The following SMARCA4 variants were observed in gnomAD, a reference collection of about 807,000 sequenced individuals.
SMARCA4 encodes SWI/SNF related BAF chromatin remodeling complex subunit ATPase 4.
A neutral mutation model predicts 193.9 loss-of-function variants in SMARCA4; 31 were observed. That is an observed-to-expected ratio of 0.16 (90% CI 0.12 to 0.22). The LOEUF (loss-of-function observed/expected upper bound fraction) is 0.22. SMARCA4 is among the 10% of genes least tolerant of loss of function. The pLI, the probability that SMARCA4 is intolerant of heterozygous loss-of-function variation, is 1.00. For synonymous variants in SMARCA4, 942 were observed against 933.1 expected, an observed-to-expected ratio of 1.01 and a Z score of -0.17; for missense variants, 1,148 against 2,296.0, an observed-to-expected ratio of 0.50 and a Z score of 10.22.
intron 6 of SMARCA4, 81 bp downstream of exon 6, chr19:10,988,005 C>T (rs541128216): frequency 2.1e-6 from 3 of 1,461,956 alleles, no homozygotes; most frequent in Admixed American, 1.8e-5. Context: ...CTTTCTCCCC[C>T]ACTCTAGCAA....
rs1451323006 is a variant in SMARCA4, at chr19:11,030,932, G to A, written c.3546+39G>A. 1 of 1,590,844 alleles carries A rather than the reference G, an allele frequency of 6.3e-7. No homozygotes were observed. Among genetic ancestry groups the A allele is most frequent in the Non-Finnish European group, 8.6e-7 (1 of 1,167,106 alleles). Reference sequence around the variant, plus strand: ...GGGCCCCAGGTCGAGGAGAAGGAAGGGGGTGCCTGCAAAACCTCGAGGAGA... The same window carrying A: ...GGGCCCCAGGTCGAGGAGAAGGAAGAGGGTGCCTGCAAAACCTCGAGGAGA... On this transcript the variant is annotated intron_variant, in intron 25 of 34. Coordinates refer to ENST00000344626, the MANE Select transcript of SMARCA4 (RefSeq NM_003072.5). This position sits in a 1 kb window ranked among gnomAD's most constrained non-coding sequence, Gnocchi z 5.5.
intron 19 of SMARCA4, among the ~76,000 whole-genome samples, chr19:11,022,842 C>T (rs1197261758): frequency 1.3e-5 from 2 of 152,192 alleles, no homozygotes; most frequent in Non-Finnish European, 2.9e-5. Context: ...TCCCGGGACC[C>T]CCACACTAAG....
intron 13 of SMARCA4, among the ~76,000 whole-genome samples, chr19:11,005,910 T>C (rs1178778439): frequency 2.0e-5 from 3 of 152,218 alleles, no homozygotes; most frequent in South Asian, 4.1e-4. Flanking sequence ...ATAGTTGCTT[T>C]TGGGGAGGAA....
At position 10,985,214 on chromosome 19, in the gene SMARCA4, C is replaced by CTA; in HGVS notation, c.223-58_223-57insAT. Reference sequence around the variant, plus strand: ...CGAGCTTCTCTCGGGCAGCGCATAGCTGCGCTGCCACCTCACGTTCCACAT... The same window carrying CTA: ...CGAGCTTCTCTCGGGCAGCGCATAGCTATGCGCTGCCACCTCACGTTCCACAT... On this transcript the variant is annotated intron_variant, in intron 2 of 34. Transcript: ENST00000344626. The surrounding 1 kb of genome is among the most constrained non-coding windows in gnomAD (Gnocchi z 4.5). 1 of 1,586,516 alleles carries CTA rather than the reference C, an allele frequency of 6.3e-7. No individual in the cohort carries two copies. The highest frequency in any genetic ancestry group is 2.2e-5 in the East Asian group (1 of 44,732).
rs757009765 is a variant in SMARCA4, at chr19:11,039,412, G to A, written c.4171-1895G>A. ...ACAAGGGGAGGCTAAATTAGGGCACGTTGTGCACTGAAACACTAAACAGAC... is the reference window on the plus strand; with the variant it reads ...ACAAGGGGAGGCTAAATTAGGGCACATTGTGCACTGAAACACTAAACAGAC... On this transcript the variant is annotated intron_variant, in intron 29 of 34. Coordinates refer to ENST00000344626, the MANE Select transcript of SMARCA4 (RefSeq NM_003072.5). 2.3e-5 allele frequency: 27 copies of A among 1,158,502 alleles called. No homozygotes were observed. In the South Asian group the frequency reaches 2.9e-4, roughly 13 times the overall value. The allele number at this position is 1,158,502 out of a possible 1,614,324, so 71.8% of individuals were successfully genotyped here.
intron 29 of SMARCA4, chr19:11,040,883 C>T (rs1210096703): frequency 6.1e-6 from 1 of 164,170 alleles, no homozygotes; most frequent in South Asian, 1.6e-4. Context: ...GGTGCCACTG[C>T]ACTCCAGCCT....
chr19:10,981,180 ACT>A (rs1427882616), intron 1 of SMARCA4, among the ~76,000 whole-genome samples: 2 of 151,998 alleles, frequency 1.3e-5, no homozygotes, highest in African/African-American at 2.4e-5. Context: ...TCATTGCAAC[ACT>A]CTGTGGACCT....
rs373436719 is a variant in SMARCA4 at position 10,995,084 on chromosome 19, G to A, written c.1593+83G>A. ...TCCAGGGGTCACTCCCCAGGGTTACGCCAAGGCATTTCACAGCTCGGAGTT... is the reference window on the plus strand; with the variant it reads ...TCCAGGGGTCACTCCCCAGGGTTACACCAAGGCATTTCACAGCTCGGAGTT... On this transcript the variant is annotated intron_variant, in intron 9 of 34. Transcript: ENST00000344626. 5.2e-5 allele frequency: 69 copies of A among 1,316,322 alleles called. No individual in the cohort carries two copies. In the East Asian group the frequency reaches 6.2e-4, roughly 12 times the overall value. The allele number at this position is 1,316,322 out of a possible 1,614,324, so 81.5% of individuals were successfully genotyped here. A position where few individuals can be genotyped will look rare whatever the true frequency, so the allele number is the denominator to read the frequency against.
At position 11,010,541 on chromosome 19, in the gene SMARCA4, G is replaced by T. The variant is rs1414642513; in HGVS notation, c.2274+10G>T. 4 of 1,612,316 alleles carry T rather than the reference G, an allele frequency of 2.5e-6. No individual in the cohort carries two copies. The South Asian group carries it at 4.4e-5, about 18-fold the overall frequency. On this transcript the variant is annotated intron_variant, in intron 15 of 34. Transcript: ENST00000344626. ...CCTCAAACAGTACCAGGTGAGGTAG[G>T]GGGTGGGGAGGCCACCGCCACGTAG...
intron 25 of SMARCA4, chr19:11,032,350 A>T (rs1027416449): frequency 2.0e-5 from 3 of 152,208 alleles, no homozygotes; most frequent in African/African-American, 7.2e-5. Flanking sequence ...GCCTCCTCGT[A>T]CTGTGCTGGG....
intron 1 of SMARCA4, among the ~76,000 whole-genome samples, chr19:10,969,144 C>T (rs1305402423): frequency 6.6e-6 from 1 of 152,250 alleles, no homozygotes; most frequent in East Asian, 1.9e-4. Context: ...CAGAATCTCC[C>T]TGGCCTCCAC....
intron 22 of SMARCA4, 74 bp from the exon 23 acceptor site, chr19:11,026,226 G>T: frequency 8.7e-7 from 1 of 1,155,630 alleles, no homozygotes; most frequent in Non-Finnish European, 1.3e-6. Context: ...GAGCACGAGC[G>T]GTGTGTGCGG....
chr19:10,962,623 ACCT>A lies in SMARCA4; in HGVS notation c.-32+1452_-32+1454del, dbSNP rs374719831. ...AGAGTCCCAATCTCCGCTCACTGTA[ACCT>A]CCGCCTCCTGGGTTCAAGCGATTCT... On this transcript the variant is annotated intron_variant, in intron 1 of 34. Transcript: ENST00000344626. Among the ~76,000 whole-genome samples, 128 of 151,774 alleles carry A rather than the reference ACCT, an allele frequency of 8.4e-4. 1 individual carries two copies. Among genetic ancestry groups the A allele is most frequent in the African/African-American group, 2.8e-3 (117 of 41,360 alleles).
At chr19:11,039,620 C>T in intron 29 of SMARCA4, 1 of 819,940 alleles carries the variant, frequency 1.2e-6, no homozygotes, top group Non-Finnish European at 1.9e-6. Flanking sequence ...CCTAATGCCC[C>T]TGAACTGTGT....
In SMARCA4 at chr19:11,041,987, G is replaced by A. The variant is rs1458182022; in HGVS notation, c.4424+427G>A. On this transcript the variant is annotated intron_variant, in intron 30 of 34. Transcript: ENST00000344626. This position sits in a 1 kb window ranked among gnomAD's most constrained non-coding sequence, Gnocchi z 5.6. ...TAATGGGTGCTGCCCGTGTGGCCAG[G>A]AGGTTGGGGACAAGAGGCTGGCATG... Among the ~76,000 whole-genome samples the A allele has an allele frequency of 6.6e-6, 1 of 152,204 alleles. No homozygotes were observed. The highest frequency in any genetic ancestry group is 1.5e-5 in the Non-Finnish European group (1 of 68,040).
At chr19:10,988,890 ATG>A (rs1317977739) in intron 6 of SMARCA4, among the ~76,000 whole-genome samples, 1 of 152,152 alleles carries the variant, frequency 6.6e-6, no homozygotes, top group Non-Finnish European at 1.5e-5. Flanking sequence ...TAACCTTCGC[ATG>A]TAACCTTCGT....
In SMARCA4 at chr19:11,058,670, G is replaced by A. The variant is rs2076683076; in HGVS notation, c.4534-118G>A. Reference sequence around the variant, plus strand: ...GCCAGGTTACCGAGGCTGGCGCTTCGGCCACATCCTCATAGGCACGAGGAA... The same window carrying A: ...GCCAGGTTACCGAGGCTGGCGCTTCAGCCACATCCTCATAGGCACGAGGAA... On this transcript the variant is annotated intron_variant, in intron 31 of 34. Coordinates refer to ENST00000344626, the MANE Select transcript of SMARCA4 (RefSeq NM_003072.5). The surrounding 1 kb of genome is among the most constrained non-coding windows in gnomAD (Gnocchi z 5.8). The A allele has an allele frequency of 3.8e-5, 33 of 867,992 alleles. No homozygotes were observed. Among genetic ancestry groups the A allele is most frequent in the South Asian group, 2.9e-4 (21 of 72,260 alleles). 53.8% of individuals were successfully genotyped at this position (867,992 alleles called of 1,614,324 possible).
rs754575023 is a variant in SMARCA4, at chr19:10,987,916, C to A, written c.1110C>A (p.Arg370=). ...ACCCTGTGGAGATCCTGCAGGAGCG[C>A]GAGTACAGGTGAGGGCGGGGCCCAG... is the stretch of plus-strand genomic sequence containing the variant. The part of the protein sequence containing the change: ...GLDPVEILQE[R]EYRLQARIAH... The change falls in exon 6 of 35, where the codon CGC becomes CGA. Residue 370 remains arginine, a synonymous_variant. Coordinates refer to ENST00000344626, the MANE Select transcript of SMARCA4 (RefSeq NM_003072.5). The surrounding 1 kb of genome is among the most constrained non-coding windows in gnomAD (Gnocchi z 5.3). 1 of 1,612,676 alleles carries A rather than the reference C, an allele frequency of 6.2e-7. No individual in the cohort carries two copies. Among genetic ancestry groups the A allele is most frequent in the East Asian group, 2.2e-5 (1 of 44,886 alleles).
intron 1 of SMARCA4, among the ~76,000 whole-genome samples, chr19:10,964,610 GC>G (rs1434593833): frequency 6.8e-6 from 1 of 148,050 alleles, no homozygotes. Flanking sequence ...GAGCCACCGC[GC>G]CCGGCCTCTT....
Sources: allele counts gnomAD v4.1 joint callset (sites outside exome capture counted in the v4.1 genomes callset), GRCh38; gene constraint gnomAD v4.1.1; non-coding constraint Gnocchi (gnomAD v3.1); transcripts MANE v1.5; gene names NCBI Gene and HGNC (gene_info 2026-07-23, HGNC 2026-07-21).